Variants in PHC2 observed in about 807,000 individuals in gnomAD.
The protein encoded by PHC2 is polyhomeotic homolog 2.
PHC2 carries 29 observed loss-of-function variants against 87.4 expected under a neutral mutation model. The observed-to-expected ratio is 0.33, with a 90% confidence interval of 0.25 to 0.45. PHC2 has a LOEUF of 0.45. PHC2 is among the 20% of genes least tolerant of loss of function. The pLI is 1.00. For synonymous variants in PHC2, 438 were observed against 461.7 expected, an observed-to-expected ratio of 0.95 and a Z score of 0.66; for missense variants, 857 against 1,136.7, an observed-to-expected ratio of 0.75 and a Z score of 3.54.
chr1:33,397,285 G>A (rs1399771500), intron 1 of PHC2, among the ~76,000 whole-genome samples: 1 of 152,132 alleles, frequency 6.6e-6, no homozygotes, highest in Non-Finnish European at 1.5e-5. Flanking sequence ...CAGGTGCTTA[G>A]TCCCGGGAAC....
rs368727625 is a variant in PHC2, at chr1:33,328,845, G to A, written c.2425+25C>T. 13 of 1,585,842 alleles carry A rather than the reference G, an allele frequency of 8.2e-6. No individual in the cohort carries two copies. In the African/African-American group the frequency reaches 1.8e-4, roughly 21 times the overall value. On this transcript the variant is annotated intron_variant, in intron 14 of 14. Transcript: ENST00000683057. ...TTCTCTTTCCTTGCTATTCCGGGGA[G>A]ACATGGAATTTCCAAGGGCCTTACC...
Position 33,361,699 on chromosome 1 carries a change from G to A in PHC2, c.976+5417C>T, listed in dbSNP as rs1052656086. The stretch of plus-strand genomic sequence containing the variant: ...ACAGTCTCTGAGGGAGATAATTCTA[G>A]CAGTTGTGAGTAGGATATCCTGGCG... On this transcript the variant is annotated intron_variant, in intron 7 of 14. Coordinates refer to ENST00000683057, the MANE Select transcript of PHC2 (RefSeq NM_001385109.1). Among the ~76,000 whole-genome samples the A allele has an allele frequency of 4.6e-5, 7 of 152,242 alleles. No homozygotes were observed. The South Asian group carries it at 1.2e-3, about 27-fold the overall frequency.
At chr1:33,417,888 G>A (rs1481473997) in intron 1 of PHC2, among the ~76,000 whole-genome samples, 1 of 152,006 alleles carries the variant, frequency 6.6e-6, no homozygotes, top group Non-Finnish European at 1.5e-5. Flanking sequence ...TATTCTCTAA[G>A]CATAACAGAA....
chr1:33,324,883 G>A lies in PHC2; in HGVS notation c.2562C>T (p.Ser854=), dbSNP rs1646336286. 6.2e-7 allele frequency: 1 copy of A among 1,613,314 alleles called. No individual in the cohort carries two copies. Among genetic ancestry groups the A allele is most frequent in the Non-Finnish European group, 8.5e-7 (1 of 1,179,480 alleles). The change falls in exon 15 of 15, where the codon AGC becomes AGT. Residue 854 remains serine, a synonymous_variant. Coordinates refer to ENST00000683057, the MANE Select transcript of PHC2 (RefSeq NM_001385109.1). ...GPALKIYARI[S]MLKDS is the part of the protein sequence containing the mutation. The stretch of plus-strand genomic sequence containing the variant: ...ACCAGCCCTAGGAGTCCTTGAGCAT[G>A]CTGATGCGGGCGTAGATCTTCAGGG...
intron 7 of PHC2, among the ~76,000 whole-genome samples, chr1:33,358,158 A>T (rs1647128417): frequency 6.6e-6 from 1 of 152,212 alleles, no homozygotes; most frequent in Non-Finnish European, 1.5e-5. Flanking sequence ...AGGAAAAAGG[A>T]TTACAGAGGG....
chr1:33,376,851 C>A (rs879708595), intron 1 of PHC2, among the ~76,000 whole-genome samples: 12 of 152,176 alleles, frequency 7.9e-5, no homozygotes, highest in Non-Finnish European at 1.3e-4. Context: ...ATCACTTGAA[C>A]CCAGGAGACA....
chr1:33,348,724 A>T (rs1044522891), intron 9 of PHC2, among the ~76,000 whole-genome samples: 2 of 152,204 alleles, frequency 1.3e-5, no homozygotes, highest in Admixed American at 6.5e-5. Flanking sequence ...ATTGATTTGT[A>T]AGGGAAGAAA....
At chr1:33,325,055 G>C in intron 14 of PHC2, 36 bp from the exon 15 acceptor site, 1 of 1,569,338 alleles carries the variant, frequency 6.4e-7, no homozygotes. Context: ...GTCAATCCAA[G>C]CCGCCAGTGT....
chr1:33,356,256 T>TATATATAC (rs1193118466), intron 7 of PHC2, among the ~76,000 whole-genome samples: 34 of 80,412 alleles, frequency 4.2e-4, no homozygotes, highest in African/African-American at 1.6e-3. Flanking sequence ...TTCTTATATA[T>TATATATAC]ATATATATAT....
intron 9 of PHC2, chr1:33,350,448 G>C (rs1410097380): frequency 6.6e-6 from 1 of 152,290 alleles, no homozygotes; most frequent in Non-Finnish European, 1.5e-5. Context: ...TCAGAGTCCC[G>C]TAAGTGTTGG....
intron 1 of PHC2, among the ~76,000 whole-genome samples, chr1:33,416,641 C>T (rs1268945246): frequency 6.7e-6 from 1 of 150,328 alleles, no homozygotes; most frequent in East Asian, 1.9e-4. Context: ...CTATGCAAGC[C>T]AGTAGGCAAT....
intron 9 of PHC2, among the ~76,000 whole-genome samples, chr1:33,340,034 G>T (rs1646714053): frequency 6.6e-6 from 1 of 152,180 alleles, no homozygotes; most frequent in Non-Finnish European, 1.5e-5. Context: ...ATAGCCTGAA[G>T]ACATGGCTTC....
At chr1:33,359,803 C>T (rs755442687) in intron 7 of PHC2, among the ~76,000 whole-genome samples, 13 of 152,148 alleles carry the variant, frequency 8.5e-5, no homozygotes, top group African/African-American at 2.4e-4. Flanking sequence ...GAACAGCATT[C>T]GGGAAGACTC....
chr1:33,356,673 G>GTC (rs1647093453), intron 7 of PHC2, among the ~76,000 whole-genome samples: 1 of 146,692 alleles, frequency 6.8e-6, no homozygotes, highest in South Asian at 2.2e-4. Flanking sequence ...ACAAAATGGA[G>GTC]TCTCCCATGT....
chr1:33,419,735 G>A (rs1475561164), intron 1 of PHC2, among the ~76,000 whole-genome samples: 4 of 151,914 alleles, frequency 2.6e-5, no homozygotes, highest in South Asian at 2.1e-4. Flanking sequence ...TCAGCCTCCC[G>A]AGTAGCTGGG....
chr1:33,336,837 G>A (rs917132483), intron 9 of PHC2: 4 of 152,256 alleles, frequency 2.6e-5, no homozygotes, highest in Non-Finnish European at 4.4e-5. Context: ...GGGGTGACAG[G>A]TGTTGCAGCC....
intron 14 of PHC2, among the ~76,000 whole-genome samples, chr1:33,327,542 A>G (rs1331207056): frequency 1.3e-5 from 2 of 152,174 alleles, no homozygotes; most frequent in Non-Finnish European, 2.9e-5. Context: ...AATGAGTAAG[A>G]CTGACCTGTG....
chr1:33,397,199 G>A (rs1455482720), intron 1 of PHC2, among the ~76,000 whole-genome samples: 1 of 152,178 alleles, frequency 6.6e-6, no homozygotes, highest in Non-Finnish European at 1.5e-5. Flanking sequence ...AGGCACCAGA[G>A]GTCAAATAAA....
At chr1:33,380,706 A>C (rs1648451701) in intron 1 of PHC2, among the ~76,000 whole-genome samples, 1 of 152,198 alleles carries the variant, frequency 6.6e-6, no homozygotes, top group Non-Finnish European at 1.5e-5. Context: ...TCTCTGGGTC[A>C]TATGTTATTC....
Sources: gnomAD v4.1 joint callset for allele counts (sites outside exome capture counted in the v4.1 genomes callset) on GRCh38, gnomAD v4.1.1 for gene constraint, MANE v1.5 for transcripts, NCBI Gene and HGNC (gene_info 2026-07-23, HGNC 2026-07-21) for gene names.